The following DNAI3 variants were observed in gnomAD, a reference collection of about 807,000 sequenced individuals.
The protein encoded by DNAI3 is WD repeat domain 63.
In DNAI3, 83 loss-of-function variants were observed where a neutral mutation model predicts 115.5. That is an observed-to-expected ratio of 0.72 (90% CI 0.60 to 0.86). The LOEUF is 0.86. Ranked by LOEUF, DNAI3 falls within the 40% of genes least tolerant of loss-of-function variation. The probability of loss-of-function intolerance (pLI) is 0.00; values close to 1 mark genes in which losing one functional copy is unlikely to be tolerated. For missense variants in DNAI3, 1,004 were observed against 1,075.8 expected, an observed-to-expected ratio of 0.93 and a Z score of 0.93; for synonymous variants, 320 against 347.0, an observed-to-expected ratio of 0.92 and a Z score of 0.86.
intron 1 of DNAI3, among the ~76,000 whole-genome samples, chr1:85,069,215 C>T (rs961240230): frequency 6.6e-6 from 1 of 152,140 alleles, no homozygotes. Flanking sequence ...TGATCCTTCC[C>T]CAGAACCTTT....
intron 21 of DNAI3, among the ~76,000 whole-genome samples, chr1:85,129,024 A>G (rs1656235056): frequency 6.6e-6 from 1 of 152,206 alleles, no homozygotes; most frequent in Non-Finnish European, 1.5e-5. Context: ...TGAAGTCCAG[A>G]TTCTGAGAGA....
intron 12 of DNAI3, among the ~76,000 whole-genome samples, chr1:85,098,159 C>A (rs550280808): frequency 6.6e-6 from 1 of 152,180 alleles, no homozygotes; most frequent in African/African-American, 2.4e-5. Flanking sequence ...TACCTACCCA[C>A]CATATTATGC....
intron 16 of DNAI3, among the ~76,000 whole-genome samples, chr1:85,110,686 A>G (rs557693824): frequency 6.6e-6 from 1 of 152,140 alleles, no homozygotes; most frequent in Admixed American, 6.5e-5. Flanking sequence ...ATATTTATTG[A>G]GCACATTTAT....
At chr1:85,077,667 T>G (rs1032751865) in intron 3 of DNAI3, among the ~76,000 whole-genome samples, 1 of 152,140 alleles carries the variant, frequency 6.6e-6, no homozygotes, top group Non-Finnish European at 1.5e-5. Flanking sequence ...TACTTGGGGT[T>G]ACTTAGGGAT....
chr1:85,118,568 A>G (rs1344363163), intron 17 of DNAI3, among the ~76,000 whole-genome samples: 2 of 152,206 alleles, frequency 1.3e-5, no homozygotes, highest in African/African-American at 4.8e-5. Flanking sequence ...AAGAGGCCAT[A>G]GCTCAGTCTC....
intron 4 of DNAI3, 35 bp from the exon 5 acceptor site, chr1:85,082,263 TGA>T: frequency 6.6e-7 from 1 of 1,522,210 alleles, no homozygotes; most frequent in Non-Finnish European, 9.1e-7. Context: ...GAATGACCAT[TGA>T]ACATTAACTT....
intron 5 of DNAI3, 122 bp from the exon 6 acceptor site, chr1:85,084,424 A>C (rs1478743861): frequency 2.8e-6 from 2 of 717,976 alleles, no homozygotes; most frequent in Non-Finnish European, 1.9e-6. Flanking sequence ...TGACAAAAAA[A>C]AGTAAAAAGG....
intron 16 of DNAI3, among the ~76,000 whole-genome samples, chr1:85,114,662 C>A (rs1655760767): frequency 6.6e-6 from 1 of 152,362 alleles, no homozygotes; most frequent in Middle Eastern, 3.4e-3. Context: ...TTTGGTCACA[C>A]TGCCGACTAT....
intron 2 of DNAI3, among the ~76,000 whole-genome samples, chr1:85,072,781 C>G (rs1457984040): frequency 6.6e-6 from 1 of 151,584 alleles, no homozygotes; most frequent in East Asian, 1.9e-4. Flanking sequence ...CGGTGAAACC[C>G]CGTCTCTACT....
rs139527935 is a variant in DNAI3 at position 85,104,770 on chromosome 1, G to A, written c.1553+173G>A. 1.5e-3 allele frequency among the ~76,000 whole-genome samples: 228 copies of A among 152,262 alleles called. 1 individual carries two copies. The highest frequency in any genetic ancestry group is 5.4e-3 in the African/African-American group (225 of 41,552). On this transcript the variant is annotated intron_variant, in intron 14 of 22. Coordinates refer to ENST00000294664, the MANE Select transcript of DNAI3 (RefSeq NM_145172.5). ...GCTAGCTTAAAAATTGTTTTATAGA[G>A]TTAAATGTTATGTAAAGAAGAATTA... is the stretch of plus-strand genomic sequence containing the variant.
chr1:85,086,405 T>A (rs180710242), intron 7 of DNAI3, among the ~76,000 whole-genome samples: 2 of 152,282 alleles, frequency 1.3e-5, no homozygotes, highest in South Asian at 2.1e-4. Context: ...TTGTCTAGGT[T>A]TCTTCTTTGG....
intron 7 of DNAI3, among the ~76,000 whole-genome samples, chr1:85,089,618 C>A (rs1208943077): frequency 6.6e-6 from 1 of 151,560 alleles, no homozygotes; most frequent in African/African-American, 2.4e-5. Context: ...CTGTCTTGTG[C>A]TTTGTAGGGT....
Position 85,108,151 on chromosome 1 carries a change from G to C in DNAI3, c.1672G>C (p.Asp558His). 3 of 1,603,390 alleles carry C rather than the reference G, an allele frequency of 1.9e-6. No homozygotes were observed. The highest frequency in any genetic ancestry group is 2.5e-6 in the Non-Finnish European group (3 of 1,176,658). ...TGTACCATCTACTTTTTTGCATCTG[G>C]ATCTCTCCTGGAAACCTCTCACTAA... ...FDVPSTFLHL[D>H]LSWKPLTKVR... is the part of the protein sequence containing the mutation. Residue 558 changes from aspartate to histidine, a missense_variant, in exon 15 of 23, where the codon GAT (aspartate) becomes CAT (histidine). Transcript: ENST00000294664.
chr1:85,100,278 A>G (rs1027484359), intron 13 of DNAI3, among the ~76,000 whole-genome samples: 4 of 152,238 alleles, frequency 2.6e-5, no homozygotes, highest in Non-Finnish European at 5.9e-5. Flanking sequence ...ATTTACAAGA[A>G]AAAAACAAAC....
At chr1:85,128,550 A>G (rs369441849) in intron 20 of DNAI3, among the ~76,000 whole-genome samples, 158 bp from the exon 21 acceptor site, 2 of 152,236 alleles carry the variant, frequency 1.3e-5, no homozygotes, top group East Asian at 1.9e-4. Flanking sequence ...ACATGTTTAC[A>G]TGGTCCAGCC....
At chr1:85,080,053 T>C (rs920055050) in intron 3 of DNAI3, among the ~76,000 whole-genome samples, 20 of 134,542 alleles carry the variant, frequency 1.5e-4, no homozygotes, top group Middle Eastern at 3.6e-3. Context: ...TTTCTTTTTT[T>C]TTTTTTTTTT....
Position 85,110,145 on chromosome 1 carries a change from T to C in DNAI3, c.1786+10T>C, listed in dbSNP as rs758737139. 1.2e-6 allele frequency: 2 copies of C among 1,607,928 alleles called. No homozygotes were observed. Among genetic ancestry groups the C allele is most frequent in the Non-Finnish European group, 1.7e-6 (2 of 1,177,588 alleles). ...CTTTGCAAAACACAAGGTAACTGCC[T>C]TTGCTTATTTAAAAAAAAAAAAAAG... On this transcript the variant is annotated intron_variant, in intron 16 of 22. Transcript: ENST00000294664.
At chr1:85,109,940 A>T in intron 15 of DNAI3, 108 bp from the exon 16 acceptor site, 1 of 973,180 alleles carries the variant, frequency 1.0e-6, no homozygotes, top group South Asian at 1.5e-5. Context: ...AAAAAAAAGG[A>T]GGTGGGTTTC....
intron 3 of DNAI3, among the ~76,000 whole-genome samples, chr1:85,079,193 G>C (rs773448931): frequency 6.6e-6 from 1 of 152,164 alleles, no homozygotes; most frequent in Admixed American, 6.5e-5. Context: ...AGGAGTACTT[G>C]ATTCGAATCA....
Sources: gnomAD v4.1 joint callset for allele counts (sites outside exome capture counted in the v4.1 genomes callset) on GRCh38, gnomAD v4.1.1 for gene constraint, MANE v1.5 for transcripts, NCBI Gene and HGNC (gene_info 2026-07-23, HGNC 2026-07-21) for gene names.